Variants in RASAL2 observed in about 807,000 individuals in gnomAD.
The protein encoded by RASAL2 is ras GTPase-activating protein nGAP.
RASAL2 carries 58 observed loss-of-function variants against 128.9 expected under a neutral mutation model. The observed-to-expected ratio is 0.45, with a 90% CI of 0.36 to 0.56. The LOEUF is 0.56. Ranked by LOEUF, RASAL2 falls within the 20% of genes least tolerant of loss-of-function variation. The pLI is 0.00. For synonymous variants in RASAL2, 561 were observed against 580.8 expected (o/e 0.97, Z 0.49); for missense variants, 1,360 against 1,601.6 (o/e 0.85, Z 2.57).
chr1:178,171,376 A>G (rs1403999133), intron 1 of RASAL2, among the ~76,000 whole-genome samples: 2 of 151,918 alleles, frequency 1.3e-5, no homozygotes, highest in East Asian at 1.9e-4. Flanking sequence ...AGACTGTCAT[A>G]TATATTCCGA....
At chr1:178,340,617 TC>T (rs1251224859) in intron 3 of RASAL2, among the ~76,000 whole-genome samples, 1 of 152,178 alleles carries the variant, frequency 6.6e-6, no homozygotes, top group East Asian at 1.9e-4. Flanking sequence ...AAAATGAAGT[TC>T]TCAGTTTTAA....
At position 178,454,593 on chromosome 1, in the gene RASAL2, G is replaced by A. The variant is rs369186858; in HGVS notation, c.2156G>A (p.Arg719Gln). The A allele has an allele frequency of 2.5e-6, 4 of 1,613,880 alleles. No individual in the cohort carries two copies. In the South Asian group the frequency reaches 3.3e-5, roughly 13 times the overall value. Reference sequence around the variant, plus strand: ...TTTGATGGTTACATTGATCTGGGCCGAGAGCTTTCAGTTTTGCATTCCTTA... The same window carrying A: ...TTTGATGGTTACATTGATCTGGGCCAAGAGCTTTCAGTTTTGCATTCCTTA... ...PGFDGYIDLGRELSVLHSLLW... is the reference protein window; with the variant it reads ...PGFDGYIDLGQELSVLHSLLW... Residue 719 changes from arginine (R) to glutamine (Q), a missense_variant, in exon 12 of 18, where the codon CGA (arginine) becomes CAA (glutamine). Arg to Gln is a conservative substitution (Grantham distance 43). Around this residue, in one of 3 missense-constraint regions of RASAL2, gnomAD observed 741 missense variants for 868.6 expected, o/e 0.85. Transcript: ENST00000367649.
At chr1:178,120,192 A>G (rs1659663818) in intron 1 of RASAL2, among the ~76,000 whole-genome samples, 1 of 152,246 alleles carries the variant, frequency 6.6e-6, no homozygotes, top group Non-Finnish European at 1.5e-5. Flanking sequence ...TAGTCATCAA[A>G]TATTGTACAA....
intron 3 of RASAL2, chr1:178,341,391 A>C (rs1669869584): frequency 5.1e-6 from 7 of 1,369,054 alleles, no homozygotes; most frequent in Middle Eastern, 2.7e-4. Context: ...AAAGAATGGG[A>C]TTGGGGGCGG....
At chr1:178,397,689 A>G (rs1002964562) in intron 4 of RASAL2, among the ~76,000 whole-genome samples, 4 of 151,578 alleles carry the variant, frequency 2.6e-5, no homozygotes, top group Non-Finnish European at 5.9e-5. Flanking sequence ...GGCTCACTGC[A>G]GCCTCAACAA....
chr1:178,102,404 T>C (rs1435881076), intron 1 of RASAL2, among the ~76,000 whole-genome samples: 3 of 152,044 alleles, frequency 2.0e-5, no homozygotes, highest in Non-Finnish European at 2.9e-5. Flanking sequence ...CATGCCCAGG[T>C]TGGAGTGCAG....
intron 1 of RASAL2, among the ~76,000 whole-genome samples, chr1:178,221,030 G>A (rs550214547): frequency 1.1e-4 from 16 of 152,262 alleles, no homozygotes; most frequent in South Asian, 8.3e-4. Context: ...CCATTTTTGT[G>A]TTCCCACCAG....
At chr1:178,248,257 A>G (rs957843795) in intron 1 of RASAL2, among the ~76,000 whole-genome samples, 3 of 152,124 alleles carry the variant, frequency 2.0e-5, no homozygotes, top group Non-Finnish European at 4.4e-5. Flanking sequence ...TTGCTCCTGT[A>G]TTGACTGCTT....
At chr1:178,312,643 C>T (rs1403367814) in intron 3 of RASAL2, among the ~76,000 whole-genome samples, 2 of 152,078 alleles carry the variant, frequency 1.3e-5, no homozygotes, top group South Asian at 2.1e-4. Context: ...TTTAATAGCT[C>T]GGTACAAGAT....
chr1:178,164,508 T>TGC (rs1553255564), intron 1 of RASAL2, among the ~76,000 whole-genome samples: 19,661 of 93,444 alleles, frequency 0.21, 1,135 homozygotes, highest in Middle Eastern at 0.3. Context: ...TGTGTGTGCG[T>TGC]GTGTGTGTGT....
chr1:178,469,892 A>G (rs1343199091), intron 17 of RASAL2, among the ~76,000 whole-genome samples: 1 of 152,206 alleles, frequency 6.6e-6, no homozygotes, highest in Non-Finnish European at 1.5e-5. Flanking sequence ...TCCCTAAAGA[A>G]TAGTTGGGAG....
intron 1 of RASAL2, among the ~76,000 whole-genome samples, chr1:178,188,632 C>T (rs1245901150): frequency 6.6e-6 from 1 of 152,082 alleles, no homozygotes; most frequent in Non-Finnish European, 1.5e-5. Flanking sequence ...TAAAGTATTT[C>T]CTCTCAAAAG....
At position 178,464,831 on chromosome 1, in the gene RASAL2, G is replaced by GTTTTTTTTTTTTTTTTTTTTTTT. The variant is rs986789340; in HGVS notation, c.3387+422_3387+444dup. Among the ~76,000 whole-genome samples, 22 of 38,202 alleles carry GTTTTTTTTTTTTTTTTTTTTTTT rather than the reference G, an allele frequency of 5.8e-4. 2 individuals are homozygous for GTTTTTTTTTTTTTTTTTTTTTTT. The highest frequency in any genetic ancestry group is 2.3e-3 in the African/African-American group (19 of 8,238). 25.1% of individuals were successfully genotyped at this position (38,202 alleles called of 152,430 possible). On this transcript the variant is annotated intron_variant, in intron 15 of 17. Coordinates refer to ENST00000367649, the MANE Select transcript of RASAL2 (RefSeq NM_170692.4). Reference sequence around the variant, plus strand: ...TAACAATTAGGTTTTGGTTTTAGTTGTTTTTTTTTTTTTTTTTTTTTTTTT... The same window carrying GTTTTTTTTTTTTTTTTTTTTTTT: ...TAACAATTAGGTTTTGGTTTTAGTTGTTTTTTTTTTTTTTTTTTTTTTTTTTTTTTTTTTTTTTTTTTTTTTTT...
chr1:178,405,920 G>T (rs1673973378), intron 4 of RASAL2, among the ~76,000 whole-genome samples: 1 of 152,100 alleles, frequency 6.6e-6, no homozygotes, highest in Non-Finnish European at 1.5e-5. Context: ...GGGAAGCTGG[G>T]CAAAGGAAAA....
chr1:178,202,505 G>A (rs1157049256), intron 1 of RASAL2, among the ~76,000 whole-genome samples: 1 of 152,244 alleles, frequency 6.6e-6, no homozygotes, highest in African/African-American at 2.4e-5. Flanking sequence ...AATCTTTCCA[G>A]TGGGCAGAAC....
chr1:178,258,032 C>T (rs1398701865), intron 1 of RASAL2, among the ~76,000 whole-genome samples: 1 of 152,000 alleles, frequency 6.6e-6, no homozygotes, highest in African/African-American at 2.4e-5. Flanking sequence ...CTGTGGCTCA[C>T]ACCTGTAATC....
chr1:178,230,959 C>T (rs1474865431), intron 1 of RASAL2, among the ~76,000 whole-genome samples: 1 of 152,080 alleles, frequency 6.6e-6, no homozygotes, highest in African/African-American at 2.4e-5. Flanking sequence ...TTACCTGAGG[C>T]GTTCTTCTCT....
intron 1 of RASAL2, among the ~76,000 whole-genome samples, chr1:178,167,918 C>T (rs1661574389): frequency 6.6e-6 from 1 of 152,000 alleles, no homozygotes; most frequent in African/African-American, 2.4e-5. Flanking sequence ...CAGATCACTG[C>T]TTTTAAGGGG....
intron 5 of RASAL2, among the ~76,000 whole-genome samples, chr1:178,431,916 T>A (rs1675934600): frequency 6.7e-6 from 1 of 148,954 alleles, no homozygotes; most frequent in Non-Finnish European, 1.5e-5. Flanking sequence ...TATAAATATA[T>A]GTAATATGCT....
Sources: allele counts gnomAD v4.1 joint callset (sites outside exome capture counted in the v4.1 genomes callset), GRCh38; gene constraint gnomAD v4.1.1; regional missense constraint gnomAD v4.1.1; transcripts MANE v1.5; gene names NCBI Gene and HGNC (gene_info 2026-07-23, HGNC 2026-07-21).